Variants in PNPLA7 observed in about 807,000 individuals in gnomAD.
PNPLA7 encodes the protein patatin like domain 7, lysophospholipase.
Under a neutral mutation model 161.7 loss-of-function variants are expected in PNPLA7, and 153 were observed. That is an observed-to-expected ratio of 0.95 (90% CI 0.83 to 1.08). The LOEUF is 1.08. PNPLA7 is among the 50% of genes least tolerant of loss of function. The pLI, the probability that PNPLA7 is intolerant of heterozygous loss-of-function variation, is 0.00. For missense variants in PNPLA7, 1,739 were observed against 1,856.6 expected (o/e 0.94, Z 1.16); for synonymous variants, 809 against 782.1 (o/e 1.03, Z -0.57).
At chr9:137,539,524 C>T (rs534653181) in intron 8 of PNPLA7, among the ~76,000 whole-genome samples, 1 of 151,958 alleles carries the variant, frequency 6.6e-6, no homozygotes, top group East Asian at 1.9e-4. Context: ...CAAAAAAATA[C>T]AAAATTAGCC....
chr9:137,511,683 A>T (rs113368988), intron 12 of PNPLA7, among the ~76,000 whole-genome samples: 121 of 152,288 alleles, frequency 7.9e-4, no homozygotes, highest in African/African-American at 2.8e-3. Flanking sequence ...CAGTCATTGG[A>T]GGCTTCAACG....
In PNPLA7 at chr9:137,524,597, G is replaced by A. The variant is rs1473481301; in HGVS notation, c.748-1740C>T. 3.3e-5 allele frequency among the ~76,000 whole-genome samples: 5 copies of A among 152,260 alleles called. No individual in the cohort carries two copies. Among genetic ancestry groups the A allele is most frequent in the Non-Finnish European group, 5.9e-5 (4 of 68,050 alleles). On this transcript the variant is annotated intron_variant, in intron 8 of 34. Coordinates refer to ENST00000406427, the MANE Select transcript of PNPLA7 (RefSeq NM_001098537.3). The surrounding 1 kb of genome is among the most constrained non-coding windows in gnomAD (Gnocchi z 4.4). ...AAATACCTAGGGATGGGACTTGTAGGTTGTACGGAACACGTATCCTCACAT... is the reference window on the plus strand; with the variant it reads ...AAATACCTAGGGATGGGACTTGTAGATTGTACGGAACACGTATCCTCACAT...
intron 24 of PNPLA7, 132 bp downstream of exon 24, chr9:137,478,924 C>A: frequency 8.1e-7 from 1 of 1,236,482 alleles, no homozygotes; most frequent in South Asian, 1.7e-5. Flanking sequence ...GGCAGGGTCA[C>A]GTTCACAAGC....
rs1831583807 is a variant in PNPLA7 at position 137,468,659 on chromosome 9, T to A, written c.2883-1186A>T. On this transcript the variant is annotated intron_variant, in intron 25 of 34. Transcript: ENST00000406427. The surrounding 1 kb of genome is among the most constrained non-coding windows in gnomAD (Gnocchi z 4.0). ...AGGTAACTGGATCATGGGGGCAGAT[T>A]TGAGGTGGGAAGACGTCAAAGGCTA... Among the ~76,000 whole-genome samples, 1 of 151,804 alleles carries A rather than the reference T, an allele frequency of 6.6e-6. No homozygotes were observed. The highest frequency in any genetic ancestry group is 1.5e-5 in the Non-Finnish European group (1 of 67,932).
intron 33 of PNPLA7, chr9:137,461,108 T>A (rs957698651): frequency 8.4e-5 from 28 of 334,302 alleles, no homozygotes; most frequent in Non-Finnish European, 1.4e-4. Context: ...CCCAGGAGAA[T>A]GTCCAGTTCT....
chr9:137,528,533 C>T (rs561877958), intron 8 of PNPLA7, among the ~76,000 whole-genome samples: 12 of 152,136 alleles, frequency 7.9e-5, no homozygotes, highest in African/African-American at 9.7e-5. Flanking sequence ...GCACCCGCCT[C>T]GGCCTCCCAA....
chr9:137,519,571 C>T (rs1216917304), intron 11 of PNPLA7, among the ~76,000 whole-genome samples: 1 of 152,146 alleles, frequency 6.6e-6, no homozygotes, highest in Non-Finnish European at 1.5e-5. Flanking sequence ...CCTGATGAGA[C>T]CTGGGGAGGT....
In PNPLA7 at chr9:137,524,770, C is replaced by T. The variant is rs984583801; in HGVS notation, c.748-1913G>A. ...GTGGATGCCCCGTGGAATGAGTTTC[C>T]GTGGATGCCCCGTGGAATGGGTTTC... On this transcript the variant is annotated intron_variant, in intron 8 of 34. Transcript: ENST00000406427. This position sits in a 1 kb window ranked among gnomAD's most constrained non-coding sequence, Gnocchi z 4.4. Among the ~76,000 whole-genome samples, 5 of 151,928 alleles carry T rather than the reference C, an allele frequency of 3.3e-5. No homozygotes were observed. Among genetic ancestry groups the T allele is most frequent in the African/African-American group, 7.3e-5 (3 of 41,336 alleles).
In PNPLA7 at chr9:137,543,743, C is replaced by T; in HGVS notation, c.346G>A (p.Val116Met). 6.2e-7 allele frequency: 1 copy of T among 1,614,106 alleles called. No individual in the cohort carries two copies. The highest frequency in any genetic ancestry group is 8.5e-7 in the Non-Finnish European group (1 of 1,180,006). ...CAGTACCTCTTGGCCAAAGACAGCA[C>T]CTTGGTCCTCTTCCTGGCCCGCTGC... is the stretch of plus-strand genomic sequence containing the variant. ...PRQRARKRTK[V>M]LSLAKRILRF... Residue 116 changes from valine to methionine, a missense_variant, in exon 5 of 35, where the codon GTG (valine) becomes ATG (methionine). Coordinates refer to ENST00000406427, the MANE Select transcript of PNPLA7 (RefSeq NM_001098537.3). The surrounding 1 kb of genome is among the most constrained non-coding windows in gnomAD (Gnocchi z 6.9).
intron 8 of PNPLA7, among the ~76,000 whole-genome samples, chr9:137,539,837 G>C (rs896383041): frequency 6.6e-6 from 1 of 152,166 alleles, no homozygotes; most frequent in Non-Finnish European, 1.5e-5. Context: ...CTAGGCTGGA[G>C]TGCAGTGGCA....
intron 20 of PNPLA7, chr9:137,492,431 T>G (rs1832808982): frequency 1.8e-5 from 2 of 113,304 alleles, no homozygotes; most frequent in African/African-American, 3.5e-5. Flanking sequence ...AAAAAATTAC[T>G]GGGCTCGGGT....
At chr9:137,477,193 C>T (rs1831979526) in intron 25 of PNPLA7, among the ~76,000 whole-genome samples, 1 of 152,244 alleles carries the variant, frequency 6.6e-6, no homozygotes, top group Admixed American at 6.5e-5. Flanking sequence ...GGGCACATGC[C>T]TGTCCCACCC....
At chr9:137,518,323 CCACT>C (rs1402461671) in intron 11 of PNPLA7, among the ~76,000 whole-genome samples, 2 of 116,790 alleles carry the variant, frequency 1.7e-5, no homozygotes, top group Non-Finnish European at 3.5e-5. Context: ...ACTCCATCCC[CCACT>C]CACTCACTCC....
chr9:137,484,652 G>A lies in PNPLA7; in HGVS notation c.2282C>T (p.Pro761Leu), dbSNP rs1025314331. The A allele has an allele frequency of 1.9e-6, 3 of 1,612,510 alleles. No homozygotes were observed. Among genetic ancestry groups the A allele is most frequent in the African/African-American group, 2.7e-5 (2 of 74,902 alleles). The stretch of plus-strand genomic sequence containing the variant: ...GGTGAGGGGCACTTCCTCTGACACG[G>A]GCATCACTGCCACCGTGGACAGGTT... The part of the protein sequence containing the change: ...AVNLSTVAVM[P>L]VSEEVPLTAF... Residue 761 changes from proline to leucine, a missense_variant, in exon 21 of 35, where the codon CCC becomes CTC. Coordinates refer to ENST00000406427, the MANE Select transcript of PNPLA7 (RefSeq NM_001098537.3).
rs936712730 is a variant in PNPLA7, at chr9:137,540,530, C to T, written c.747+112G>A. ...GGACCAAACCCTGCTCCCCTCACAT[C>T]ACTGTGGAGAACTGGCCTTTAACCA... On this transcript the variant is annotated intron_variant, in intron 8 of 34. Coordinates refer to ENST00000406427, the MANE Select transcript of PNPLA7 (RefSeq NM_001098537.3). The surrounding 1 kb of genome is among the most constrained non-coding windows in gnomAD (Gnocchi z 5.1). The T allele has an allele frequency of 4.2e-6, 4 of 948,254 alleles. No individual in the cohort carries two copies. The highest frequency in any genetic ancestry group is 1.6e-5 in the African/African-American group (1 of 61,294). The allele number at this position is 948,254 out of a possible 1,614,324, so 58.7% of individuals were successfully genotyped here.
intron 25 of PNPLA7, among the ~76,000 whole-genome samples, chr9:137,469,409 T>C (rs1475125374): frequency 1.3e-5 from 2 of 152,198 alleles, no homozygotes; most frequent in Non-Finnish European, 2.9e-5. Flanking sequence ...CAGTGTGGCA[T>C]GTTCTACAGA....
intron 8 of PNPLA7, among the ~76,000 whole-genome samples, chr9:137,527,224 C>T (rs1008392489): frequency 2.0e-5 from 3 of 151,498 alleles, no homozygotes; most frequent in East Asian, 1.9e-4. Flanking sequence ...GCCAAGATTG[C>T]GCCACTGCAC....
chr9:137,472,961 G>A (rs28835969), intron 25 of PNPLA7, among the ~76,000 whole-genome samples: 102,164 of 149,368 alleles, frequency 0.68, 35,402 homozygotes, highest in African/African-American at 0.81. Context: ...TCTCAAAAAA[G>A]AAAAAAAAAT....
chr9:137,515,783 C>T (rs1472465312), intron 11 of PNPLA7, among the ~76,000 whole-genome samples: 1 of 124,468 alleles, frequency 8.0e-6, no homozygotes, highest in Admixed American at 7.7e-5. Flanking sequence ...TCCCTCCCCA[C>T]CCCATCCCCC....
Sources: gnomAD v4.1 joint callset for allele counts (sites outside exome capture counted in the v4.1 genomes callset) on GRCh38, gnomAD v4.1.1 for gene constraint, Gnocchi (gnomAD v3.1) non-coding constraint, MANE v1.5 for transcripts, NCBI Gene and HGNC (gene_info 2026-07-23, HGNC 2026-07-21) for gene names.